Variants in ARPC1A observed in about 807,000 individuals in gnomAD.
ARPC1A encodes the protein actin-related protein 2/3 complex subunit 1A.
ARPC1A carries 8 observed loss-of-function variants against 46.9 expected under a neutral mutation model. The ratio of observed to expected loss-of-function variants is 0.17; its 90% CI spans 0.10 to 0.31. The LOEUF is 0.31. Ranked by LOEUF, ARPC1A falls within the 10% of genes least tolerant of loss-of-function variation. ARPC1A has a pLI of 1.00. For missense variants in ARPC1A, 286 were observed against 483.6 expected (o/e 0.59, Z 3.83); for synonymous variants, 152 against 169.0 (o/e 0.90, Z 0.78).
chr7:99,359,882 T>C (rs1793711152), intron 8 of ARPC1A, 144 bp downstream of exon 8: 1 of 947,690 alleles, frequency 1.1e-6, no homozygotes, highest in Non-Finnish European at 1.6e-6. Context: ...AGTCTGTATC[T>C]TCCCGACCGC....
At chr7:99,354,751 A>G (rs1424337287) in intron 6 of ARPC1A, among the ~76,000 whole-genome samples, 1 of 151,156 alleles carries the variant, frequency 6.6e-6, no homozygotes, top group Non-Finnish European at 1.5e-5. Flanking sequence ...TTGGTAGGCC[A>G]TGGGTGGATC....
At chr7:99,352,972 T>A (rs549349833) in intron 5 of ARPC1A, among the ~76,000 whole-genome samples, 4 of 150,916 alleles carry the variant, frequency 2.7e-5, no homozygotes, top group African/African-American at 4.9e-5. Context: ...CCCCCAAAAA[T>A]ATATATATAT....
intron 3 of ARPC1A, among the ~76,000 whole-genome samples, chr7:99,340,198 T>G (rs1388236647): frequency 1.3e-5 from 2 of 152,158 alleles, no homozygotes; most frequent in African/African-American, 4.8e-5. Context: ...AGTGTCATTC[T>G]GTCGTCTAGG....
At chr7:99,354,934 G>A (rs981359575) in intron 6 of ARPC1A, among the ~76,000 whole-genome samples, 1 of 151,970 alleles carries the variant, frequency 6.6e-6, no homozygotes, top group African/African-American at 2.4e-5. Context: ...CTAACATGGA[G>A]AAACCCCATC....
intron 2 of ARPC1A, among the ~76,000 whole-genome samples, chr7:99,334,419 AT>A (rs1178485411): frequency 3.3e-5 from 5 of 152,000 alleles, no homozygotes; most frequent in Admixed American, 3.3e-4. Flanking sequence ...AAAGAGCAGG[AT>A]TGGGGAGAAA....
intron 9 of ARPC1A, among the ~76,000 whole-genome samples, chr7:99,364,048 G>A (rs1248065602): frequency 2.6e-5 from 4 of 151,928 alleles, no homozygotes; most frequent in East Asian, 1.9e-4. Context: ...TCCGCCTCCC[G>A]GGTTGGAGCG....
chr7:99,340,113 AT>A, intron 3 of ARPC1A: 1 of 411,996 alleles, frequency 2.4e-6, no homozygotes, highest in South Asian at 1.6e-5. Flanking sequence ...ATAAATCCTG[AT>A]CATTTTTTCA....
chr7:99,365,208 T>C (rs912704351), intron 9 of ARPC1A, among the ~76,000 whole-genome samples: 1 of 152,034 alleles, frequency 6.6e-6, no homozygotes, highest in Admixed American at 6.6e-5. Flanking sequence ...CCCAGCACTT[T>C]GGGAGGCCGA....
chr7:99,349,153 C>A (rs112122258), intron 5 of ARPC1A, among the ~76,000 whole-genome samples, 194 bp downstream of exon 5: 3 of 152,098 alleles, frequency 2.0e-5, no homozygotes, highest in African/African-American at 7.2e-5. Context: ...TGGGCTCAAG[C>A]GATCCTCCAG....
Position 99,359,547 on chromosome 7 carries a change from C to T in ARPC1A, c.792C>T (p.Gly264=). The change falls in exon 8 of 10, where the codon GGC becomes GGT. Residue 264 remains glycine, a splice_region_variant and synonymous_variant. Transcript: ENST00000262942. ...GGACTGACTGAGTCTTGTTTCAGGG[C>T]CATGACTGCTGCCCAATGCTCTTTA... The part of the protein sequence containing the change: ...FVSENSVVAA[G]HDCCPMLFNY... The T allele has an allele frequency of 3.1e-6, 5 of 1,613,922 alleles. No individual in the cohort carries two copies. Among genetic ancestry groups the T allele is most frequent in the Non-Finnish European group, 3.4e-6 (4 of 1,180,018 alleles).
At chr7:99,361,085 A>G (rs900745348) in intron 8 of ARPC1A, among the ~76,000 whole-genome samples, 1 of 152,086 alleles carries the variant, frequency 6.6e-6, no homozygotes, top group Non-Finnish European at 1.5e-5. Flanking sequence ...TGATGGTGGG[A>G]GAAGTAATGG....
At chr7:99,356,775 T>C (rs770400914) in intron 6 of ARPC1A, among the ~76,000 whole-genome samples, 3 of 146,988 alleles carry the variant, frequency 2.0e-5, no homozygotes, top group Non-Finnish European at 4.5e-5. Context: ...TGGCGGGCGC[T>C]TGTAGTCCCA....
At chr7:99,356,776 T>A (rs1793642440) in intron 6 of ARPC1A, among the ~76,000 whole-genome samples, 1 of 151,998 alleles carries the variant, frequency 6.6e-6, no homozygotes, top group South Asian at 2.1e-4. Flanking sequence ...GGCGGGCGCT[T>A]GTAGTCCCAG....
chr7:99,332,165 A>C (rs953411234), intron 1 of ARPC1A, among the ~76,000 whole-genome samples: 12 of 152,136 alleles, frequency 7.9e-5, no homozygotes, highest in African/African-American at 2.6e-4. Flanking sequence ...TTTAGAGTAA[A>C]TATGTTTGGC....
At chr7:99,327,856 G>A (rs1220956705) in intron 1 of ARPC1A, among the ~76,000 whole-genome samples, 1 of 152,112 alleles carries the variant, frequency 6.6e-6, no homozygotes, top group African/African-American at 2.4e-5. Flanking sequence ...AGGAGGGTGT[G>A]GTGACCTTGT....
At chr7:99,331,284 A>C (rs1273519666) in intron 1 of ARPC1A, among the ~76,000 whole-genome samples, 3 of 152,106 alleles carry the variant, frequency 2.0e-5, no homozygotes, top group Non-Finnish European at 4.4e-5. Context: ...AGCCACAGCT[A>C]CTCAGGAGGC....
In ARPC1A at chr7:99,336,310, C is replaced by G. The variant is rs559531723; in HGVS notation, c.65-1871C>G. ...GTGAGAAAGTGAGAGAAATATATAA[C>G]TATTTACCAGAAAGCACTCTTAAGT... On this transcript the variant is annotated intron_variant, in intron 2 of 9. Coordinates refer to ENST00000262942, the MANE Select transcript of ARPC1A (RefSeq NM_006409.4). 2.6e-5 allele frequency among the ~76,000 whole-genome samples: 4 copies of G among 152,070 alleles called. No individual in the cohort carries two copies. The South Asian group carries it at 8.3e-4, about 32-fold the overall frequency.
chr7:99,359,430 G>A lies in ARPC1A; in HGVS notation c.790-115G>A, dbSNP rs575043414. The A allele has an allele frequency of 6.6e-4, 625 of 949,148 alleles. 11 individuals are homozygous for A. The South Asian group carries it at 9.0e-3, about 14-fold the overall frequency. The allele number at this position is 949,148 out of a possible 1,614,324, so 58.8% of individuals were successfully genotyped here. A position where few individuals can be genotyped will look rare whatever the true frequency, so the allele number is the denominator to read the frequency against. The stretch of plus-strand genomic sequence containing the variant: ...TAGCCAGGGCAACAGAGCAAGACTC[G>A]GTCTCAAAAAAAAAAAAAAAAAAGA... On this transcript the variant is annotated intron_variant, in intron 7 of 9. Coordinates refer to ENST00000262942, the MANE Select transcript of ARPC1A (RefSeq NM_006409.4).
intron 1 of ARPC1A, among the ~76,000 whole-genome samples, chr7:99,326,695 G>T (rs1374961444): frequency 6.6e-6 from 1 of 152,232 alleles, no homozygotes; most frequent in Admixed American, 6.5e-5. Context: ...TAAGAATCAA[G>T]TGAGCTTATT....
Sources: gnomAD v4.1 joint callset for allele counts (sites outside exome capture counted in the v4.1 genomes callset) on GRCh38, gnomAD v4.1.1 for gene constraint, MANE v1.5 for transcripts, NCBI Gene and HGNC (gene_info 2026-07-23, HGNC 2026-07-21) for gene names.